Variants in TSPAN1 observed in about 807,000 individuals in gnomAD.
The protein encoded by TSPAN1 is tetraspanin 1.
A neutral mutation model predicts 26.9 loss-of-function variants in TSPAN1; 23 were observed. The observed-to-expected ratio is 0.85, with a 90% CI of 0.62 to 1.21. The LOEUF is 1.21. TSPAN1 is among the 50% of genes most tolerant of loss of function. The pLI, the probability that TSPAN1 is intolerant of heterozygous loss-of-function variation, is 0.00. For missense variants in TSPAN1, 283 were observed against 298.4 expected, an observed-to-expected ratio of 0.95 and a Z score of 0.38; for synonymous variants, 115 against 114.8, an observed-to-expected ratio of 1.00 and a Z score of -0.01.
chr1:46,177,118 T>G (rs1234529069), intron 1 of TSPAN1, among the ~76,000 whole-genome samples: 1 of 152,158 alleles, frequency 6.6e-6, no homozygotes, highest in African/African-American at 2.4e-5. Flanking sequence ...GCAGATCACC[T>G]GAGGTCAGGA....
In TSPAN1 at chr1:46,185,691, C is replaced by A. The variant is rs1657415399; in HGVS notation, c.*158C>A. 4.2e-5 allele frequency: 34 copies of A among 804,382 alleles called. No individual in the cohort carries two copies. The South Asian group carries it at 4.9e-4, about 12-fold the overall frequency. The allele number at this position is 804,382 out of a possible 1,614,324, so 49.8% of individuals were successfully genotyped here. A position where few individuals can be genotyped will look rare whatever the true frequency, so the allele number is the denominator to read the frequency against. ...CTCCAGACTTGGGGCTAGATAGGGA[C>A]CACTCCTTTTAGGCGATGCCTGACT... On this transcript the variant is annotated 3_prime_UTR_variant, in exon 9 of 9. Transcript: ENST00000372003.
the TSPAN1 span, chr1:46,193,028 C>A: frequency 6.2e-7 from 1 of 1,606,120 alleles, no homozygotes; most frequent in Non-Finnish European, 8.5e-7. Flanking sequence ...TGCCCCCAAC[C>A]CTCTTCTTGC....
At chr1:46,189,317 G>A (rs1442072528), downstream of TSPAN1, 8 of 1,613,820 alleles carry the variant, frequency 5.0e-6, no homozygotes, top group Non-Finnish European at 5.9e-6. Flanking sequence ...TTTGGGGGTG[G>A]CTCCAGGAAA....
chr1:46,179,592 CT>C (rs1657262475), intron 1 of TSPAN1, among the ~76,000 whole-genome samples: 1 of 152,172 alleles, frequency 6.6e-6, no homozygotes, highest in East Asian at 1.9e-4. Flanking sequence ...GAAGCCAGGA[CT>C]TTTCCCCCGC....
the TSPAN1 span, chr1:46,195,016 C>T: frequency 6.6e-7 from 1 of 1,523,902 alleles, no homozygotes; most frequent in South Asian, 1.1e-5. Flanking sequence ...GGAGACCTGG[C>T]CTCACAGAGC....
the TSPAN1 span, chr1:46,193,931 G>A: frequency 1.2e-6 from 2 of 1,614,098 alleles, no homozygotes; most frequent in Middle Eastern, 1.7e-4. Flanking sequence ...GGGAGCTGTG[G>A]GAGAAATAGC....
At chr1:46,190,728 A>G (rs200730202), downstream of TSPAN1, 298 of 1,613,434 alleles carry the variant, frequency 1.8e-4, no homozygotes, top group South Asian at 1.6e-3. Flanking sequence ...ACCTGTCCAC[A>G]TTCCTGAGCT....
At chr1:46,182,065 G>A (rs1227714528) in intron 3 of TSPAN1, among the ~76,000 whole-genome samples, 1 of 151,852 alleles carries the variant, frequency 6.6e-6, no homozygotes, top group Non-Finnish European at 1.5e-5. Flanking sequence ...GGGAGACAGA[G>A]GTCTTGGAGA....
intron 4 of TSPAN1, 66 bp from the exon 5 acceptor site, chr1:46,184,528 G>T (rs1005475402): frequency 1.9e-6 from 3 of 1,603,766 alleles, no homozygotes; most frequent in South Asian, 1.1e-5. Context: ...CCGGGGGGGG[G>T]ATTAGGGCAA....
the TSPAN1 span, chr1:46,194,407 G>C: frequency 1.2e-6 from 2 of 1,614,218 alleles, no homozygotes; most frequent in Non-Finnish European, 1.7e-6. Context: ...TGCCTCTGAG[G>C]GAAGGATGCG....
downstream of TSPAN1, chr1:46,190,551 G>A (rs375585622): frequency 2.5e-6 from 4 of 1,572,276 alleles, no homozygotes; most frequent in Non-Finnish European, 3.5e-6. Context: ...CAGGGGAGTG[G>A]GCAGGCCCTC....
At chr1:46,189,999 A>G (rs753698616), downstream of TSPAN1, 1 of 1,611,678 alleles carries the variant, frequency 6.2e-7, no homozygotes, top group Non-Finnish European at 8.5e-7. Flanking sequence ...ACTGCAGTAG[A>G]GGGTGGGAGA....
At chr1:46,176,384 G>C in intron 1 of TSPAN1, 3 of 1,535,770 alleles carry the variant, frequency 2.0e-6, no homozygotes, top group Non-Finnish European at 2.6e-6. Context: ...CTGGGAAATC[G>C]GGGCCTGGGC....
At chr1:46,186,564 C>T (rs1571641246), downstream of TSPAN1, among the ~76,000 whole-genome samples, 1 of 147,726 alleles carries the variant, frequency 6.8e-6, no homozygotes, top group South Asian at 2.2e-4. Flanking sequence ...GATCTCGGCT[C>T]ACTGCGGACT....
intron 1 of TSPAN1, among the ~76,000 whole-genome samples, chr1:46,177,679 T>C (rs575971327): frequency 6.6e-6 from 1 of 152,350 alleles, no homozygotes; most frequent in South Asian, 2.1e-4. Context: ...GTCCTCTTGC[T>C]CAACAGACCT....
chr1:46,193,550 C>T, the TSPAN1 span: 1 of 1,614,196 alleles, frequency 6.2e-7, no homozygotes, highest in South Asian at 1.1e-5. Context: ...AGGCACCCCC[C>T]AAGTCCTGCT....
rs1657396018 is a variant in TSPAN1, at chr1:46,184,987, A to G, written c.466A>G (p.Thr156Ala). Reference sequence around the variant, plus strand: ...CAAGTGCTGTGGCTTCACCAACTATACGGATTTTGAGGACTCACCCTACTT... The same window carrying G: ...CAAGTGCTGTGGCTTCACCAACTATGCGGATTTTGAGGACTCACCCTACTT... ...GLKCCGFTNY[T>A]DFEDSPYFKE... Residue 156 changes from threonine to alanine, a missense_variant, in exon 7 of 9, where the codon ACG becomes GCG. Physicochemically the swap from Thr to Ala is moderately conservative, Grantham distance 58 (BLOSUM62 0). Coordinates refer to ENST00000372003, the MANE Select transcript of TSPAN1 (RefSeq NM_005727.4). 3 of 1,613,980 alleles carry G rather than the reference A, an allele frequency of 1.9e-6. No homozygotes were observed. Among genetic ancestry groups the G allele is most frequent in the Admixed American group, 1.7e-5 (1 of 59,992 alleles).
At chr1:46,185,414 T>G in intron 8 of TSPAN1, 72 bp from the exon 9 acceptor site, 1 of 1,609,610 alleles carries the variant, frequency 6.2e-7, no homozygotes, top group Admixed American at 1.7e-5. Flanking sequence ...GGGCCTCAGG[T>G]AGGGTGTCTG....
the TSPAN1 span, chr1:46,192,372 C>G: frequency 6.2e-7 from 1 of 1,614,068 alleles, no homozygotes; most frequent in South Asian, 1.1e-5. Flanking sequence ...GAGCACCCAG[C>G]CCAGCCCAGG....
Sources: gnomAD v4.1 joint callset for allele counts (sites outside exome capture counted in the v4.1 genomes callset) on GRCh38, gnomAD v4.1.1 for gene constraint, MANE v1.5 for transcripts, NCBI Gene and HGNC (gene_info 2026-07-23, HGNC 2026-07-21) for gene names.